CPNE4: variants seen among roughly 807,000 people sequenced by gnomAD.
CPNE4 encodes the protein copine-4.
CPNE4 carries 25 observed loss-of-function variants against 67.9 expected under a neutral mutation model. The ratio of observed to expected loss-of-function variants is 0.37; its 90% CI spans 0.27 to 0.51. The LOEUF (loss-of-function observed/expected upper bound fraction) is 0.51, where lower values mean the gene tolerates loss of function less well. CPNE4 is among the 20% of genes least tolerant of loss of function. The pLI is 0.93. For synonymous variants in CPNE4, 242 were observed against 244.9 expected (o/e 0.99, Z 0.11); for missense variants, 464 against 690.8 (o/e 0.67, Z 3.68).
In CPNE4 at chr3:131,816,158, C is replaced by A. The variant is rs192079173; in HGVS notation, c.180+89106G>T. On this transcript the variant is annotated intron_variant, in intron 2 of 15. Transcript: ENST00000429747. ...ATCCTAAAACCCACTGTAATTATAGCTACTTAATTATATGTGCTTCTATGA... is the reference window on the plus strand; with the variant it reads ...ATCCTAAAACCCACTGTAATTATAGATACTTAATTATATGTGCTTCTATGA... 2.3e-3 allele frequency among the ~76,000 whole-genome samples: 349 copies of A among 152,224 alleles called. 4 individuals carry two copies. Among genetic ancestry groups the A allele is most frequent in the Non-Finnish European group, 3.9e-3 (265 of 68,002 alleles).
At chr3:131,718,153 C>T (rs2107736784) in intron 3 of CPNE4, among the ~76,000 whole-genome samples, 1 of 152,040 alleles carries the variant, frequency 6.6e-6, no homozygotes, top group South Asian at 2.1e-4. Context: ...TGCCACCATG[C>T]CTGGCTAATA....
intron 7 of CPNE4, among the ~76,000 whole-genome samples, chr3:131,659,385 G>C (rs1481536137): frequency 6.6e-6 from 1 of 152,132 alleles, no homozygotes; most frequent in South Asian, 2.1e-4. Context: ...TGCAGAAGGG[G>C]ATGCAGATGG....
At chr3:131,840,683 C>T (rs1336344591) in intron 2 of CPNE4, among the ~76,000 whole-genome samples, 1 of 152,182 alleles carries the variant, frequency 6.6e-6, no homozygotes, top group Non-Finnish European at 1.5e-5. Context: ...TGTATGTCCC[C>T]ATATCCCCAT....
At chr3:131,861,093 T>C (rs528552779) in intron 2 of CPNE4, among the ~76,000 whole-genome samples, 1 of 152,282 alleles carries the variant, frequency 6.6e-6, no homozygotes, top group South Asian at 2.1e-4. Flanking sequence ...GAAACATACA[T>C]ATATATAACC....
chr3:131,954,777 A>G (rs1051320667), intron 1 of CPNE4, among the ~76,000 whole-genome samples: 1 of 152,162 alleles, frequency 6.6e-6, no homozygotes, highest in Non-Finnish European at 1.5e-5. Flanking sequence ...TAGTTTGCTC[A>G]GAATGACGGT....
chr3:131,824,101 A>T (rs2085062182), intron 2 of CPNE4, among the ~76,000 whole-genome samples: 1 of 151,606 alleles, frequency 6.6e-6, no homozygotes, highest in South Asian at 2.1e-4. Context: ...AAAGCTAATG[A>T]GTTGAACAAG....
At chr3:131,700,478 G>T (rs2107703998) in intron 3 of CPNE4, among the ~76,000 whole-genome samples, 1 of 152,290 alleles carries the variant, frequency 6.6e-6, no homozygotes, top group South Asian at 2.1e-4. Flanking sequence ...TTGATGCTCA[G>T]ACAAGTCAAT....
rs202119937 is a variant in CPNE4 at position 131,708,957 on chromosome 3, G to GATATATATATATATATATATATATAT, written c.361-9003_361-8978dup. 6.1e-4 allele frequency among the ~76,000 whole-genome samples: 40 copies of GATATATATATATATATATATATATAT among 65,834 alleles called. 5 individuals are homozygous for GATATATATATATATATATATATATAT. The highest frequency in any genetic ancestry group is 1.1e-3 in the East Asian group (1 of 896). 43.2% of individuals were successfully genotyped at this position (65,834 alleles called of 152,430 possible). On this transcript the variant is annotated intron_variant, in intron 3 of 15. Transcript: ENST00000429747. ...AAAAATCAGTGTCTGAGGGCATAAAGATATATATATATATATATATATATA... is the reference window on the plus strand; with the variant it reads ...AAAAATCAGTGTCTGAGGGCATAAAGATATATATATATATATATATATATATATATATATATATATATATATATATA...
chr3:131,812,130 C>CA (rs2084553742), intron 2 of CPNE4, among the ~76,000 whole-genome samples: 1 of 149,808 alleles, frequency 6.7e-6, no homozygotes, highest in Non-Finnish European at 1.5e-5. Context: ...AACTTTTAGT[C>CA]AAAATCATCC....
At chr3:131,715,571 T>C (rs1272946933) in intron 3 of CPNE4, among the ~76,000 whole-genome samples, 1 of 152,216 alleles carries the variant, frequency 6.6e-6, no homozygotes, top group East Asian at 1.9e-4. Context: ...ATGGTAATAA[T>C]GGTAGTGCCT....
At chr3:131,636,659 G>A (rs1305011094) in intron 7 of CPNE4, among the ~76,000 whole-genome samples, 2 of 152,190 alleles carry the variant, frequency 1.3e-5, no homozygotes, top group Non-Finnish European at 2.9e-5. Flanking sequence ...CCTAGGGCAA[G>A]TTTGCATCCT....
intron 2 of CPNE4, among the ~76,000 whole-genome samples, chr3:131,736,551 C>T (rs966544243): frequency 2.2e-5 from 3 of 137,120 alleles, no homozygotes; most frequent in East Asian, 2.3e-4. Flanking sequence ...ACCCGGGAGG[C>T]GGAGGTTGAG....
chr3:131,980,636 C>T (rs115882228), intron 1 of CPNE4, among the ~76,000 whole-genome samples: 9,341 of 152,234 alleles, frequency 0.061, 412 homozygotes, highest in Admixed American at 0.14. Flanking sequence ...CACTGGGCTT[C>T]ACCTGTCTCT....
At chr3:131,912,518 C>A (rs540536668) in intron 1 of CPNE4, among the ~76,000 whole-genome samples, 1 of 152,148 alleles carries the variant, frequency 6.6e-6, no homozygotes, top group Admixed American at 6.6e-5. Context: ...ATTCAAGAAA[C>A]GTGTATAAGG....
rs528927210 is a variant in CPNE4 at position 131,949,957 on chromosome 3, T to C, written c.-1-44513A>G. 5.9e-5 allele frequency among the ~76,000 whole-genome samples: 9 copies of C among 152,346 alleles called. No individual in the cohort carries two copies. In the East Asian group the frequency reaches 1.7e-3, roughly 29 times the overall value. ...GACATTAGGATTGTTATCTATGTTG[T>C]CACCATTACAAATAATGAATACTTT... On this transcript the variant is annotated intron_variant, in intron 1 of 15. Coordinates refer to ENST00000429747, the MANE Select transcript of CPNE4 (RefSeq NM_130808.3).
intron 3 of CPNE4, among the ~76,000 whole-genome samples, chr3:131,710,993 A>G (rs2081543482): frequency 6.6e-6 from 1 of 152,190 alleles, no homozygotes; most frequent in Non-Finnish European, 1.5e-5. Flanking sequence ...CACCAAGCTC[A>G]TGATTGCCTG....
At chr3:131,989,100 A>C (rs1210761361) in intron 1 of CPNE4, among the ~76,000 whole-genome samples, 1 of 152,248 alleles carries the variant, frequency 6.6e-6, no homozygotes, top group African/African-American at 2.4e-5. Flanking sequence ...GATGCATTTT[A>C]AAGGTGTGTT....
At chr3:131,603,490 A>G (rs1939326112) in intron 7 of CPNE4, among the ~76,000 whole-genome samples, 1 of 152,202 alleles carries the variant, frequency 6.6e-6, no homozygotes, top group African/African-American at 2.4e-5. Flanking sequence ...AATGCTAAGT[A>G]AGTAATAAAT....
intron 2 of CPNE4, among the ~76,000 whole-genome samples, chr3:131,878,609 A>G (rs773942553): frequency 5.9e-5 from 9 of 152,230 alleles, no homozygotes; most frequent in Non-Finnish European, 1.3e-4. Context: ...TTATAAAATA[A>G]AAATAATTAA....
Sources: gnomAD v4.1 joint callset for allele counts (sites outside exome capture counted in the v4.1 genomes callset) on GRCh38, gnomAD v4.1.1 for gene constraint, MANE v1.5 for transcripts, NCBI Gene and HGNC (gene_info 2026-07-23, HGNC 2026-07-21) for gene names.